The following ATP2B2 variants were observed in gnomAD, a reference collection of about 807,000 sequenced individuals.
The protein encoded by ATP2B2 is ATPase plasma membrane Ca2+ transporting 2, also known as plasma membrane calcium-transporting ATPase 2.
Under a neutral mutation model 120.0 loss-of-function variants are expected in ATP2B2, and 15 were observed. The ratio of observed to expected loss-of-function variants is 0.12; its 90% CI spans 0.08 to 0.19. ATP2B2 has a LOEUF of 0.19. Ranked by LOEUF, ATP2B2 falls within the 10% of genes least tolerant of loss-of-function variation. ATP2B2 has a pLI of 1.00. For synonymous variants in ATP2B2, 694 were observed against 700.3 expected (o/e 0.99, Z 0.14); for missense variants, 1,045 against 1,719.8 (o/e 0.61, Z 6.94).
At chr3:10,530,048 A>G (rs1357929664) in intron 3 of ATP2B2, among the ~76,000 whole-genome samples, 2 of 152,300 alleles carry the variant, frequency 1.3e-5, no homozygotes, top group African/African-American at 4.8e-5. Flanking sequence ...GAGACAACAC[A>G]TTTCTGTTAG....
chr3:10,639,004 T>A (rs1384024532), intron 1 of ATP2B2, among the ~76,000 whole-genome samples: 1 of 152,152 alleles, frequency 6.6e-6, no homozygotes, highest in African/African-American at 2.4e-5. Context: ...ACAATCATCG[T>A]TGGAGATTTC....
At chr3:10,520,078 C>T (rs1314742466) in intron 3 of ATP2B2, among the ~76,000 whole-genome samples, 1 of 152,198 alleles carries the variant, frequency 6.6e-6, no homozygotes, top group Non-Finnish European at 1.5e-5. Context: ...TTCCTAAAAT[C>T]AGCCCTAACA....
chr3:10,699,740 G>C (rs1023553296), intron 1 of ATP2B2, among the ~76,000 whole-genome samples: 11 of 152,176 alleles, frequency 7.2e-5, no homozygotes, highest in Admixed American at 7.2e-4. Context: ...CTGACCTCAT[G>C]AATGAATTAA....
intron 1 of ATP2B2, among the ~76,000 whole-genome samples, chr3:10,451,204 T>C (rs532100109): frequency 1.3e-5 from 2 of 152,232 alleles, no homozygotes; most frequent in Non-Finnish European, 2.9e-5. Context: ...GATGGTCTCC[T>C]GGCTCATAGC....
At chr3:10,675,246 A>G (rs142356352) in intron 1 of ATP2B2, among the ~76,000 whole-genome samples, 1 of 152,344 alleles carries the variant, frequency 6.6e-6, no homozygotes, top group African/African-American at 2.4e-5. Flanking sequence ...AGCATTCCAG[A>G]ACGCCCACTT....
chr3:10,706,293 G>A (rs2071895191), intron 1 of ATP2B2, among the ~76,000 whole-genome samples: 1 of 152,214 alleles, frequency 6.6e-6, no homozygotes, highest in East Asian at 1.9e-4. Context: ...GTGTGGAGAA[G>A]AGTGGTACAG....
At chr3:10,527,908 G>GC (rs2067132307) in intron 3 of ATP2B2, among the ~76,000 whole-genome samples, 1 of 151,998 alleles carries the variant, frequency 6.6e-6, no homozygotes, top group Non-Finnish European at 1.5e-5. Context: ...AGGCCTGGCT[G>GC]CCAGCAGGGC....
chr3:10,685,044 G>A (rs983094538), intron 1 of ATP2B2, among the ~76,000 whole-genome samples: 4 of 152,164 alleles, frequency 2.6e-5, no homozygotes, highest in Admixed American at 2.6e-4. Flanking sequence ...CCAGGCGATG[G>A]TAGACAGACT....
At position 10,487,273 on chromosome 3, in the gene ATP2B2, G is replaced by C. The variant is rs576728289; in HGVS notation, c.-320+18192C>G. On this transcript the variant is annotated intron_variant, in intron 1 of 22. Transcript: ENST00000360273. Reference sequence around the variant, plus strand: ...ACACACAGACATGCACATACAGAGAGACACACACACACAGACAAACACAGA... The same window carrying C: ...ACACACAGACATGCACATACAGAGACACACACACACACAGACAAACACAGA... 4.4e-3 allele frequency among the ~76,000 whole-genome samples: 672 copies of C among 151,900 alleles called. 8 individuals are homozygous for C. Among genetic ancestry groups the C allele is most frequent in the African/African-American group, 0.015 (634 of 41,382 alleles).
intron 2 of ATP2B2, among the ~76,000 whole-genome samples, chr3:10,443,770 A>G (rs2063746017): frequency 6.6e-6 from 1 of 152,224 alleles, no homozygotes. Context: ...TTTCTGTCAG[A>G]TGGAGCCCTC....
At chr3:10,582,877 T>G (rs1190769372) in intron 2 of ATP2B2, among the ~76,000 whole-genome samples, 1 of 152,244 alleles carries the variant, frequency 6.6e-6, no homozygotes, top group Non-Finnish European at 1.5e-5. Flanking sequence ...CCATGCATTC[T>G]GCATCTACCA....
intron 2 of ATP2B2, among the ~76,000 whole-genome samples, chr3:10,444,457 C>T (rs751752325): frequency 6.6e-6 from 1 of 152,226 alleles, no homozygotes; most frequent in Non-Finnish European, 1.5e-5. Flanking sequence ...TACCCGCCAT[C>T]TCCCATGATC....
intron 1 of ATP2B2, among the ~76,000 whole-genome samples, chr3:10,693,564 T>C (rs972289876): frequency 6.6e-6 from 1 of 152,254 alleles, no homozygotes; most frequent in Non-Finnish European, 1.5e-5. Flanking sequence ...TTAAAACAAA[T>C]GGCGTAACAA....
chr3:10,656,839 G>C (rs1279646098), intron 1 of ATP2B2, among the ~76,000 whole-genome samples: 2 of 152,254 alleles, frequency 1.3e-5, no homozygotes, highest in African/African-American at 4.8e-5. Flanking sequence ...GCCCTGGGAA[G>C]TTCCGGAGGA....
chr3:10,381,466 AG>A (rs1443717699), intron 8 of ATP2B2, among the ~76,000 whole-genome samples: 2 of 152,246 alleles, frequency 1.3e-5, no homozygotes, highest in African/African-American at 4.8e-5. Context: ...GCACTCATTA[AG>A]CCCAGCTAGC....
intron 1 of ATP2B2, among the ~76,000 whole-genome samples, chr3:10,667,563 C>T (rs534827667): frequency 2.0e-5 from 3 of 152,332 alleles, no homozygotes; most frequent in Non-Finnish European, 4.4e-5. Context: ...GAATGCTCTG[C>T]CCATGAGCTA....
At chr3:10,399,789 G>A (rs938401792) in intron 5 of ATP2B2, among the ~76,000 whole-genome samples, 1 of 152,184 alleles carries the variant, frequency 6.6e-6, no homozygotes, top group Non-Finnish European at 1.5e-5. Context: ...AGGAGGGCCC[G>A]TTCTCTACAA....
At chr3:10,428,760 C>T (rs1369067780) in intron 2 of ATP2B2, among the ~76,000 whole-genome samples, 1 of 152,230 alleles carries the variant, frequency 6.6e-6, no homozygotes, top group Non-Finnish European at 1.5e-5. Flanking sequence ...GCTGGGGTTC[C>T]AGCCACGCCT....
chr3:10,629,398 G>A (rs1282166472), intron 1 of ATP2B2, among the ~76,000 whole-genome samples: 2 of 152,194 alleles, frequency 1.3e-5, no homozygotes, highest in Non-Finnish European at 2.9e-5. Flanking sequence ...TTTTAAGGAG[G>A]AGGCAAACTC....
Sources: allele counts gnomAD v4.1 joint callset (sites outside exome capture counted in the v4.1 genomes callset), GRCh38; gene constraint gnomAD v4.1.1; transcripts MANE v1.5; gene names NCBI Gene and HGNC (gene_info 2026-07-23, HGNC 2026-07-21).